Variants in SPNS3 observed in about 807,000 individuals in gnomAD.
The protein encoded by SPNS3 is protein spinster homolog 3.
SPNS3 carries 51 observed loss-of-function variants against 54.4 expected under a neutral mutation model. That is an observed-to-expected ratio of 0.94 (90% confidence interval 0.75 to 1.18). The LOEUF is 1.18. SPNS3 is among the 50% of genes most tolerant of loss of function. The probability of loss-of-function intolerance (pLI) is 0.00; values close to 1 mark genes in which losing one functional copy is unlikely to be tolerated. For missense variants in SPNS3, 669 were observed against 677.4 expected (o/e 0.99, Z 0.14); for synonymous variants, 309 against 294.7 (o/e 1.05, Z -0.50).
At chr17:4,461,990 G>T (rs1971519401) in intron 8 of SPNS3, among the ~76,000 whole-genome samples, 1 of 152,108 alleles carries the variant, frequency 6.6e-6, no homozygotes, top group African/African-American at 2.4e-5. Flanking sequence ...AGCAAAAGGA[G>T]TCAGCATTAG....
Position 4,434,118 on chromosome 17 carries a change from C to G in SPNS3, c.151C>G (p.Leu51Val), listed in dbSNP as rs200705416. 6 of 1,612,336 alleles carry G rather than the reference C, an allele frequency of 3.7e-6. No homozygotes were observed. In the African/African-American group the frequency reaches 8.0e-5, roughly 22 times the overall value. Residue 51 changes from leucine (L) to valine (V), a missense_variant, in exon 1 of 12, where the codon CTC (leucine) becomes GTC (valine). By Grantham distance (32) the Leu-to-Val change is conservative. Coordinates refer to ENST00000355530, the MANE Select transcript of SPNS3 (RefSeq NM_182538.5). ...GAGGGCCTACGTGGCTGCCGCCGTCCTCTGCTACATCAACCTCCTGAATTA... is the reference window on the plus strand; with the variant it reads ...GAGGGCCTACGTGGCTGCCGCCGTCGTCTGCTACATCAACCTCCTGAATTA... Reference protein sequence around the residue: ...PWRAYVAAAVLCYINLLNYMN... With the variant: ...PWRAYVAAAVVCYINLLNYMN...
At chr17:4,480,138 AG>A (rs1203637023) in intron 9 of SPNS3, among the ~76,000 whole-genome samples, 5 of 152,098 alleles carry the variant, frequency 3.3e-5, no homozygotes, top group African/African-American at 1.2e-4. Context: ...CCCACGGCCC[AG>A]GCCCAGCGAG....
Position 4,486,691 on chromosome 17 carries a change from A to G in SPNS3, c.1450+108A>G, listed in dbSNP as rs1972327790. The G allele has an allele frequency of 5.9e-6, 7 of 1,195,772 alleles. No individual in the cohort carries two copies. In the East Asian group the frequency reaches 1.8e-4, roughly 30 times the overall value. The allele number at this position is 1,195,772 out of a possible 1,614,324, so 74.1% of individuals were successfully genotyped here. A position where few individuals can be genotyped will look rare whatever the true frequency, so the allele number is the denominator to read the frequency against. On this transcript the variant is annotated intron_variant, in intron 11 of 11. Coordinates refer to ENST00000355530, the MANE Select transcript of SPNS3 (RefSeq NM_182538.5). The surrounding 1 kb of genome is among the most constrained non-coding windows in gnomAD (Gnocchi z 5.5). The stretch of plus-strand genomic sequence containing the variant: ...CAGTTTGTTTGTTCATTCATCCAGA[A>G]ATGCTTAGTACACCCCTGCTATGTA...
rs1597329817 is a variant in SPNS3 at position 4,465,946 on chromosome 17, C to G, written c.1114-12626C>G. 2.0e-5 allele frequency among the ~76,000 whole-genome samples: 3 copies of G among 152,224 alleles called. No individual in the cohort carries two copies. The South Asian group carries it at 6.2e-4, about 32-fold the overall frequency. On this transcript the variant is annotated intron_variant, in intron 8 of 11. Transcript: ENST00000355530. ...TGGCGAAGCCTACCAGGGTGGGTCTCTAGTTCCACGCTGCTCTTTTGGTCT... is the reference window on the plus strand; with the variant it reads ...TGGCGAAGCCTACCAGGGTGGGTCTGTAGTTCCACGCTGCTCTTTTGGTCT...
chr17:4,476,806 G>A lies in SPNS3; in HGVS notation c.1114-1766G>A, dbSNP rs1363457082. On this transcript the variant is annotated intron_variant, in intron 8 of 11. Coordinates refer to ENST00000355530, the MANE Select transcript of SPNS3 (RefSeq NM_182538.5). ...CCAGGCACTGCAGTCCCAGGGGCTG[G>A]GTTAGGCCAGGAGAGCGCATGGCTG... Among the ~76,000 whole-genome samples, 5 of 152,316 alleles carry A rather than the reference G, an allele frequency of 3.3e-5. No homozygotes were observed. The South Asian group carries it at 1.0e-3, about 32-fold the overall frequency.
chr17:4,476,490 A>G (rs1328893609), intron 8 of SPNS3, among the ~76,000 whole-genome samples: 2 of 152,108 alleles, frequency 1.3e-5, no homozygotes. Flanking sequence ...GAGGTCACAG[A>G]GGCAGACGCT....
intron 9 of SPNS3, among the ~76,000 whole-genome samples, chr17:4,479,395 G>A (rs560608304): frequency 2.0e-5 from 3 of 152,382 alleles, no homozygotes; most frequent in South Asian, 4.1e-4. Flanking sequence ...AGGCTGCCAT[G>A]CAAGGATCAG....
chr17:4,447,221 C>G (rs1971021892), intron 5 of SPNS3, among the ~76,000 whole-genome samples: 1 of 152,170 alleles, frequency 6.6e-6, no homozygotes, highest in Admixed American at 6.5e-5. Flanking sequence ...TTCTTCAGAG[C>G]CTCAGTTTGC....
intron 7 of SPNS3, 36 bp from the exon 8 acceptor site, chr17:4,452,980 C>A: frequency 6.3e-7 from 1 of 1,593,564 alleles, no homozygotes; most frequent in Non-Finnish European, 8.6e-7. Flanking sequence ...CTAAGCTCAC[C>A]CAGCTGACCA....
chr17:4,486,346 G>A lies in SPNS3; in HGVS notation c.1278+20G>A, dbSNP rs1972312850. ...GGACTTGTAAGACGTGTCTGCGTGT[G>A]TGGGGTGGGGAGGGTCTGGGGGCCA... On this transcript the variant is annotated intron_variant, in intron 10 of 11. Transcript: ENST00000355530. This position sits in a 1 kb window ranked among gnomAD's most constrained non-coding sequence, Gnocchi z 5.5. The A allele has an allele frequency of 6.2e-7, 1 of 1,600,168 alleles. No individual in the cohort carries two copies. The highest frequency in any genetic ancestry group is 8.5e-7 in the Non-Finnish European group (1 of 1,174,068).
intron 5 of SPNS3, 78 bp from the exon 6 acceptor site, chr17:4,448,077 T>G (rs1971045213): frequency 1.4e-6 from 2 of 1,401,402 alleles, no homozygotes; most frequent in African/African-American, 3.0e-5. Flanking sequence ...TGGCTGATAC[T>G]GTGGCCAGTT....
chr17:4,452,897 C>A, intron 7 of SPNS3, 119 bp from the exon 8 acceptor site: 1 of 955,780 alleles, frequency 1.0e-6, no homozygotes, highest in Non-Finnish European at 1.6e-6. Flanking sequence ...GCCATATTCC[C>A]TGTAGACACC....
At chr17:4,458,547 TCCTTC>T (rs1971386329) in intron 8 of SPNS3, among the ~76,000 whole-genome samples, 1 of 114,530 alleles carries the variant, frequency 8.7e-6, no homozygotes, top group African/African-American at 2.6e-5. Flanking sequence ...TTCCTTCCTT[TCCTTC>T]CTTTCTTCCT....
chr17:4,454,571 C>T (rs1971253100), intron 8 of SPNS3, among the ~76,000 whole-genome samples: 1 of 150,848 alleles, frequency 6.6e-6, no homozygotes, highest in Non-Finnish European at 1.5e-5. Context: ...TCTGGTCCCA[C>T]TGAAATCAAA....
intron 8 of SPNS3, among the ~76,000 whole-genome samples, chr17:4,457,269 G>C (rs1016586032): frequency 6.6e-6 from 1 of 152,204 alleles, no homozygotes; most frequent in African/African-American, 2.4e-5. Context: ...GCACATGCCT[G>C]TAGTCCCAGC....
At chr17:4,445,261 T>C in intron 3 of SPNS3, 93 bp downstream of exon 3, 1 of 1,313,098 alleles carries the variant, frequency 7.6e-7, no homozygotes, top group Non-Finnish European at 1.0e-6. Context: ...TGGGGACAAT[T>C]CTGCTCCATT....
intron 8 of SPNS3, among the ~76,000 whole-genome samples, chr17:4,463,185 G>A (rs1358468341): frequency 3.3e-5 from 5 of 151,974 alleles, no homozygotes; most frequent in Non-Finnish European, 7.4e-5. Flanking sequence ...ATCACTTGAG[G>A]TCAGGAGTTC....
In SPNS3 at chr17:4,488,125, G is replaced by C; in HGVS notation, c.*231G>C. Reference sequence around the variant, plus strand: ...CTGCATCCCGCTCAAGGCTGCCCCAGCCTGGGGTCTCCAGCCTGGCTGCTG... The same window carrying C: ...CTGCATCCCGCTCAAGGCTGCCCCACCCTGGGGTCTCCAGCCTGGCTGCTG... On this transcript the variant is annotated 3_prime_UTR_variant, in exon 12 of 12. Coordinates refer to ENST00000355530, the MANE Select transcript of SPNS3 (RefSeq NM_182538.5). 1.8e-6 allele frequency: 1 copy of C among 566,802 alleles called. No individual in the cohort carries two copies. The highest frequency in any genetic ancestry group is 3.2e-6 in the Non-Finnish European group (1 of 317,438). 35.1% of individuals were successfully genotyped at this position (566,802 alleles called of 1,614,324 possible). A position where few individuals can be genotyped will look rare whatever the true frequency, so the allele number is the denominator to read the frequency against.
rs1471599438 is a variant in SPNS3 at position 4,483,406 on chromosome 17, C to A, written c.1180-2822C>A. 2.6e-5 allele frequency: 4 copies of A among 152,302 alleles called. No individual in the cohort carries two copies. The highest frequency in any genetic ancestry group is 9.6e-5 in the African/African-American group (4 of 41,456). 9.4% of individuals were successfully genotyped at this position (152,302 alleles called of 1,614,324 possible). Reference sequence around the variant, plus strand: ...CTGTGGGCCCAGCCTTGGCTGCTGGCTGCACGGAGACAATGAGGACTTGGA... The same window carrying A: ...CTGTGGGCCCAGCCTTGGCTGCTGGATGCACGGAGACAATGAGGACTTGGA... On this transcript the variant is annotated intron_variant, in intron 9 of 11. Transcript: ENST00000355530. This position sits in a 1 kb window ranked among gnomAD's most constrained non-coding sequence, Gnocchi z 4.2.
Sources: gnomAD v4.1 joint callset for allele counts (sites outside exome capture counted in the v4.1 genomes callset) on GRCh38, gnomAD v4.1.1 for gene constraint, Gnocchi (gnomAD v3.1) non-coding constraint, MANE v1.5 for transcripts, NCBI Gene and HGNC (gene_info 2026-07-23, HGNC 2026-07-21) for gene names.